The following SLC41A2 variants were observed in gnomAD, a reference collection of about 807,000 sequenced individuals.
SLC41A2 encodes SLC41A1-like 1.
SLC41A2 carries 32 observed loss-of-function variants against 58.3 expected under a neutral mutation model. The observed-to-expected ratio is 0.55, with a 90% CI of 0.41 to 0.74. The LOEUF is 0.74. SLC41A2 is among the 30% of genes least tolerant of loss of function. The pLI, the probability that SLC41A2 is intolerant of heterozygous loss-of-function variation, is 0.00. For synonymous variants in SLC41A2, 190 were observed against 235.0 expected (o/e 0.81, Z 1.75); for missense variants, 514 against 680.6 (o/e 0.76, Z 2.72).
chr12:104,918,628 GAAA>G (rs34865307), intron 2 of SLC41A2, among the ~76,000 whole-genome samples: 1 of 111,498 alleles, frequency 9.0e-6, no homozygotes, highest in Non-Finnish European at 1.8e-5. Flanking sequence ...GGAGATACAT[GAAA>G]AAAAAAAAAA....
chr12:104,818,958 A>C (rs2041524004), intron 10 of SLC41A2, among the ~76,000 whole-genome samples: 1 of 152,200 alleles, frequency 6.6e-6, no homozygotes, highest in Non-Finnish European at 1.5e-5. Flanking sequence ...CATTTCTCTG[A>C]GAAATTAATA....
At position 104,955,473 on chromosome 12, in the gene SLC41A2, G is replaced by C. The variant is rs1030521527; in HGVS notation, c.-168+2615C>G. Among the ~76,000 whole-genome samples, 3 of 152,088 alleles carry C rather than the reference G, an allele frequency of 2.0e-5. No individual in the cohort carries two copies. In the East Asian group the frequency reaches 5.8e-4, roughly 29 times the overall value. The stretch of plus-strand genomic sequence containing the variant: ...TTGGTCTGAATATCCACTACCCCCG[G>C]TGTTTCCTCTCAGTACTTTTCTGTC... On this transcript the variant is annotated intron_variant, in intron 1 of 10. Coordinates refer to ENST00000258538, the MANE Select transcript of SLC41A2 (RefSeq NM_001352171.3).
At chr12:104,857,886 A>G (rs2043077066) in intron 8 of SLC41A2, among the ~76,000 whole-genome samples, 1 of 151,342 alleles carries the variant, frequency 6.6e-6, no homozygotes, top group Non-Finnish European at 1.5e-5. Context: ...AGCATTAGAA[A>G]ATATACCTAA....
chr12:104,941,257 T>G (rs377284219), intron 1 of SLC41A2, among the ~76,000 whole-genome samples: 4 of 152,172 alleles, frequency 2.6e-5, no homozygotes, highest in Admixed American at 2.6e-4. Flanking sequence ...CATAAAACAA[T>G]TGCTCATTTC....
intron 1 of SLC41A2, among the ~76,000 whole-genome samples, chr12:104,948,752 C>T (rs2047832856): frequency 6.6e-6 from 1 of 152,354 alleles, no homozygotes; most frequent in Middle Eastern, 3.4e-3. Context: ...GGTGTATCAT[C>T]AGTGTTCCCT....
At chr12:104,813,579 A>AAC (rs753172474) in intron 10 of SLC41A2, among the ~76,000 whole-genome samples, 6 of 152,204 alleles carry the variant, frequency 3.9e-5, no homozygotes, top group African/African-American at 1.4e-4. Context: ...GTTTTACACA[A>AAC]ACACACACAC....
rs939954703 is a variant in SLC41A2, at chr12:104,803,635, G to C, written c.*1517C>G. On this transcript the variant is annotated 3_prime_UTR_variant, in exon 11 of 11. Transcript: ENST00000258538. ...ATTATTAAATATCTAACGGTCTTGA[G>C]AGATTGAATTTTAAAAAATGAACCA... The C allele has an allele frequency of 2.0e-5, 3 of 152,106 alleles. No homozygotes were observed. The highest frequency in any genetic ancestry group is 4.4e-5 in the Non-Finnish European group (3 of 68,018). The allele number at this position is 152,106 out of a possible 1,614,324, so 9.4% of individuals were successfully genotyped here.
Position 104,853,911 on chromosome 12 carries a change from A to ATTATTATTATTATTATTTTT in SLC41A2, c.1255+7379_1255+7380insAAAAATAATAATAATAATAA. Reference sequence around the variant, plus strand: ...GGGTGCATGTCACCATGCCTGGCTGATTTTTTTTTTTTTTTTTTTTTTTTT... The same window carrying ATTATTATTATTATTATTTTT: ...GGGTGCATGTCACCATGCCTGGCTGATTATTATTATTATTATTTTTTTTTTTTTTTTTTTTTTTTTTTTTT... On this transcript the variant is annotated intron_variant, in intron 8 of 10. Coordinates refer to ENST00000258538, the MANE Select transcript of SLC41A2 (RefSeq NM_001352171.3). Among the ~76,000 whole-genome samples, 35 of 59,486 alleles carry ATTATTATTATTATTATTTTT rather than the reference A, an allele frequency of 5.9e-4. 2 individuals are homozygous for ATTATTATTATTATTATTTTT. Among genetic ancestry groups the ATTATTATTATTATTATTTTT allele is most frequent in the African/African-American group, 1.7e-3 (24 of 14,452 alleles). 39.0% of individuals were successfully genotyped at this position (59,486 alleles called of 152,430 possible).
chr12:104,836,999 G>A (rs1318576054), intron 10 of SLC41A2, among the ~76,000 whole-genome samples: 1 of 152,128 alleles, frequency 6.6e-6, no homozygotes, highest in Non-Finnish European at 1.5e-5. Context: ...ATGCTGGATG[G>A]GATCTGAGTG....
chr12:104,955,764 T>C (rs1297025992), intron 1 of SLC41A2, among the ~76,000 whole-genome samples: 1 of 152,142 alleles, frequency 6.6e-6, no homozygotes, highest in Non-Finnish European at 1.5e-5. Flanking sequence ...TGGTTTTTTT[T>C]TTTTTGGCCA....
chr12:104,854,354 G>A (rs949655900), intron 8 of SLC41A2, among the ~76,000 whole-genome samples: 3 of 152,020 alleles, frequency 2.0e-5, no homozygotes, highest in Non-Finnish European at 4.4e-5. Context: ...ACGAGGTCAG[G>A]AGATCAAGAC....
intron 6 of SLC41A2, among the ~76,000 whole-genome samples, chr12:104,867,202 G>A (rs2043509948): frequency 6.6e-6 from 1 of 151,938 alleles, no homozygotes; most frequent in African/African-American, 2.4e-5. Context: ...GAAAAACTAG[G>A]TTTGATTCTC....
At chr12:104,926,393 G>C (rs1322802128) in intron 2 of SLC41A2, among the ~76,000 whole-genome samples, 3 of 152,214 alleles carry the variant, frequency 2.0e-5, no homozygotes, top group Non-Finnish European at 2.9e-5. Context: ...TTGAGGTCAG[G>C]AGATTGAGAC....
rs771442363 is a variant in SLC41A2, at chr12:104,804,578, G to C, written c.*574C>G. On this transcript the variant is annotated 3_prime_UTR_variant, in exon 11 of 11. Coordinates refer to ENST00000258538, the MANE Select transcript of SLC41A2 (RefSeq NM_001352171.3). The stretch of plus-strand genomic sequence containing the variant: ...TGAAATTGAATTGGCATCAGAACAG[G>C]ATAATTTTAGATGGAGGTAAAAGTG... The C allele has an allele frequency of 1.3e-5, 2 of 152,182 alleles. No individual in the cohort carries two copies. Among genetic ancestry groups the C allele is most frequent in the Non-Finnish European group, 1.5e-5 (1 of 68,046 alleles). The allele number at this position is 152,182 out of a possible 1,614,324, so 9.4% of individuals were successfully genotyped here.
intron 1 of SLC41A2, among the ~76,000 whole-genome samples, chr12:104,953,619 C>G (rs188821031): frequency 1.3e-5 from 2 of 152,172 alleles, no homozygotes; most frequent in African/African-American, 4.8e-5. Context: ...ACAGGACTTT[C>G]CCTTCCATTT....
intron 3 of SLC41A2, among the ~76,000 whole-genome samples, chr12:104,903,830 G>C (rs181861422): frequency 1.1e-3 from 174 of 152,282 alleles, no homozygotes; most frequent in African/African-American, 4.1e-3. Flanking sequence ...GAAATACTAA[G>C]TTAGATCACC....
At chr12:104,838,141 C>G (rs1212045474) in intron 10 of SLC41A2, among the ~76,000 whole-genome samples, 2 of 152,142 alleles carry the variant, frequency 1.3e-5, no homozygotes, top group African/African-American at 4.8e-5. Context: ...AATGAAGATA[C>G]TGTCAATGCT....
chr12:104,805,382 T>C (rs1367061659), intron 10 of SLC41A2, 45 bp from the exon 11 acceptor site: 1 of 1,541,456 alleles, frequency 6.5e-7, no homozygotes, highest in African/African-American at 1.4e-5. Flanking sequence ...TGGACATTCC[T>C]AGCCCATGAA....
At chr12:104,861,929 C>A (rs922292298) in intron 7 of SLC41A2, among the ~76,000 whole-genome samples, 1 of 152,184 alleles carries the variant, frequency 6.6e-6, no homozygotes, top group African/African-American at 2.4e-5. Context: ...AAGAGCTGAT[C>A]TTGAGAACAG....
Sources: gnomAD v4.1 joint callset for allele counts (sites outside exome capture counted in the v4.1 genomes callset) on GRCh38, gnomAD v4.1.1 for gene constraint, MANE v1.5 for transcripts, NCBI Gene and HGNC (gene_info 2026-07-23, HGNC 2026-07-21) for gene names.